The following STK32B variants were observed in gnomAD, a reference collection of about 807,000 sequenced individuals.
The protein encoded by STK32B is serine/threonine kinase 32B.
Under a neutral mutation model 52.6 loss-of-function variants are expected in STK32B, and 43 were observed. The ratio of observed to expected loss-of-function variants is 0.82; its 90% CI spans 0.64 to 1.05. The LOEUF (loss-of-function observed/expected upper bound fraction) is 1.05. Ranked by LOEUF, STK32B falls within the 50% of genes least tolerant of loss-of-function variation. The pLI, the probability that STK32B is intolerant of heterozygous loss-of-function variation, is 0.00. For missense variants in STK32B, 621 were observed against 534.6 expected, an observed-to-expected ratio of 1.16 and a Z score of -1.59; for synonymous variants, 238 against 204.3, an observed-to-expected ratio of 1.17 and a Z score of -1.41.
chr4:5,146,537 G>T (rs1716927253), intron 2 of STK32B, among the ~76,000 whole-genome samples: 1 of 152,146 alleles, frequency 6.6e-6, no homozygotes, highest in Admixed American at 6.5e-5. Flanking sequence ...GCCTACCCGT[G>T]TTGCAGGTGG....
chr4:5,032,394 A>G, the STK32B span, among the ~76,000 whole-genome samples: 1,901 of 148,600 alleles, frequency 0.013, 41 homozygotes, highest in African/African-American at 0.044. Context: ...AATTGCTTCA[A>G]CCCGGGAGGC....
At chr4:5,411,742 T>TAGGAG (rs1295369248) in intron 5 of STK32B, among the ~76,000 whole-genome samples, 25 of 152,292 alleles carry the variant, frequency 1.6e-4, no homozygotes, top group African/African-American at 5.5e-4. Context: ...ATTTGAACCA[T>TAGGAG]AGGAGCCTCC....
chr4:5,071,565 G>A (rs1042548234), intron 1 of STK32B, among the ~76,000 whole-genome samples: 4 of 152,034 alleles, frequency 2.6e-5, no homozygotes, highest in South Asian at 2.1e-4. Context: ...AAACAAAATC[G>A]AAAAGTCATT....
At chr4:5,283,759 G>A (rs760895798) in intron 3 of STK32B, among the ~76,000 whole-genome samples, 23 of 152,110 alleles carry the variant, frequency 1.5e-4, no homozygotes, top group Non-Finnish European at 2.9e-4. Context: ...AAATAATGGA[G>A]AAGTAAAAAG....
intron 1 of STK32B, among the ~76,000 whole-genome samples, chr4:5,092,966 A>G (rs1180051249): frequency 6.6e-6 from 1 of 152,186 alleles, no homozygotes; most frequent in Non-Finnish European, 1.5e-5. Flanking sequence ...GGCAAAGGAA[A>G]GAACAATAAA....
intron 2 of STK32B, among the ~76,000 whole-genome samples, chr4:5,143,571 G>C (rs1716670502): frequency 6.6e-6 from 1 of 152,152 alleles, no homozygotes; most frequent in Non-Finnish European, 1.5e-5. Flanking sequence ...GGTGAGAGGA[G>C]CCACATGGTC....
At chr4:5,358,701 G>GCGCGCGCGCACACACA (rs151338728) in intron 4 of STK32B, among the ~76,000 whole-genome samples, 4 of 106,810 alleles carry the variant, frequency 3.7e-5, no homozygotes, top group African/African-American at 1.6e-4. Flanking sequence ...TCACACACAT[G>GCGCGCGCGCACACACA]CACACACACA....
intron 6 of STK32B, among the ~76,000 whole-genome samples, chr4:5,437,642 C>T (rs1336102462): frequency 6.6e-6 from 1 of 152,196 alleles, no homozygotes; most frequent in Non-Finnish European, 1.5e-5. Flanking sequence ...GGCAATGATT[C>T]GGCCCACTAC....
intron 7 of STK32B, among the ~76,000 whole-genome samples, chr4:5,452,877 T>C (rs534494945): frequency 6.6e-6 from 1 of 152,220 alleles, no homozygotes; most frequent in African/African-American, 2.4e-5. Context: ...TTACCAGCAG[T>C]ACATGGAATT....
chr4:5,249,882 C>T (rs957281877), intron 3 of STK32B, among the ~76,000 whole-genome samples: 15 of 152,052 alleles, frequency 9.9e-5, no homozygotes, highest in Admixed American at 2.0e-4. Context: ...GCACAGTACT[C>T]GATAGATGGT....
chr4:5,205,710 GT>G (rs1722527778), intron 3 of STK32B, among the ~76,000 whole-genome samples: 1 of 84,736 alleles, frequency 1.2e-5, no homozygotes, highest in African/African-American at 3.0e-5. Flanking sequence ...GCGCGTGTGT[GT>G]GTGTGTGTGT....
chr4:5,251,902 C>G (rs1427047131), intron 3 of STK32B, among the ~76,000 whole-genome samples: 1 of 152,172 alleles, frequency 6.6e-6, no homozygotes, highest in Non-Finnish European at 1.5e-5. Context: ...TCTTGAATGA[C>G]AGTTCTGTCC....
chr4:5,039,658 G>A, the STK32B span, among the ~76,000 whole-genome samples: 8 of 152,148 alleles, frequency 5.3e-5, no homozygotes, highest in African/African-American at 1.7e-4. Context: ...TCATTATCAG[G>A]TGTTATGTAC....
chr4:5,160,517 A>G (rs1718356640), intron 2 of STK32B, among the ~76,000 whole-genome samples: 1 of 151,740 alleles, frequency 6.6e-6, no homozygotes, highest in African/African-American at 2.4e-5. Flanking sequence ...TGACTGTGCT[A>G]AGGTTCAGGT....
chr4:5,152,047 T>C (rs1335659025), intron 2 of STK32B, among the ~76,000 whole-genome samples: 1 of 152,190 alleles, frequency 6.6e-6, no homozygotes, highest in Non-Finnish European at 1.5e-5. Context: ...AGTCCAACCA[T>C]TCAGAAACCT....
intron 3 of STK32B, among the ~76,000 whole-genome samples, chr4:5,199,478 G>A (rs1721953033): frequency 6.6e-6 from 1 of 151,146 alleles, no homozygotes; most frequent in Non-Finnish European, 1.5e-5. Flanking sequence ...TTATAAATCA[G>A]CTTTGTGAAT....
chr4:5,204,393 TG>T (rs1163560698), intron 3 of STK32B, among the ~76,000 whole-genome samples: 2 of 152,256 alleles, frequency 1.3e-5, no homozygotes, highest in Non-Finnish European at 2.9e-5. Context: ...CAGAGTGTCC[TG>T]GGGTTTTTTG....
chr4:5,357,649 C>T (rs552241249), intron 4 of STK32B, among the ~76,000 whole-genome samples: 1 of 152,134 alleles, frequency 6.6e-6, no homozygotes, highest in Admixed American at 6.5e-5. Context: ...GGAATGACAT[C>T]TGGCCATAAG....
intron 5 of STK32B, among the ~76,000 whole-genome samples, chr4:5,406,496 G>A (rs1011617818): frequency 2.0e-5 from 3 of 152,082 alleles, no homozygotes; most frequent in Admixed American, 6.5e-5. Flanking sequence ...ATTTCTCAAC[G>A]AGGGCCCCAC....
Sources: allele counts gnomAD v4.1 joint callset (sites outside exome capture counted in the v4.1 genomes callset), GRCh38; gene constraint gnomAD v4.1.1; transcripts MANE v1.5; gene names NCBI Gene and HGNC (gene_info 2026-07-23, HGNC 2026-07-21).